The following PLEKHA6 variants were observed in gnomAD, a reference collection of about 807,000 sequenced individuals.
PLEKHA6 encodes pleckstrin homology domain-containing family A member 6.
Under a neutral mutation model 116.7 loss-of-function variants are expected in PLEKHA6, and 60 were observed. The ratio of observed to expected loss-of-function variants is 0.51; its 90% confidence interval spans 0.42 to 0.64. The LOEUF (loss-of-function observed/expected upper bound fraction) is 0.64, where lower values mean the gene tolerates loss of function less well. PLEKHA6 is among the 30% of genes least tolerant of loss of function. The pLI is 0.00. For missense variants in PLEKHA6, 1,338 were observed against 1,422.7 expected, an observed-to-expected ratio of 0.94 and a Z score of 0.96; for synonymous variants, 489 against 556.1, an observed-to-expected ratio of 0.88 and a Z score of 1.70.
chr1:204,330,932 C>T (rs902530187), intron 1 of PLEKHA6, among the ~76,000 whole-genome samples: 4 of 152,186 alleles, frequency 2.6e-5, no homozygotes, highest in Non-Finnish European at 4.4e-5. Flanking sequence ...CGTTGGCTCA[C>T]GCCTGTAATC....
intron 17 of PLEKHA6, among the ~76,000 whole-genome samples, chr1:204,236,981 G>A (rs928960150): frequency 1.3e-5 from 2 of 152,172 alleles, no homozygotes; most frequent in East Asian, 1.9e-4. Context: ...CCTTCTCCAA[G>A]GAGACCTCTG....
chr1:204,229,354 C>T (rs4074987), intron 18 of PLEKHA6, among the ~76,000 whole-genome samples: 3,200 of 152,350 alleles, frequency 0.021, 59 homozygotes, highest in Non-Finnish European at 0.028. Context: ...CTGCTCTACC[C>T]TGTATTCTCA....
chr1:204,241,310 TAC>T, intron 17 of PLEKHA6, 63 bp downstream of exon 17: 1 of 966,598 alleles, frequency 1.0e-6, no homozygotes, highest in Non-Finnish European at 1.6e-6. Context: ...GATGAGTAGG[TAC>T]ACACACAGGC....
intron 1 of PLEKHA6, among the ~76,000 whole-genome samples, chr1:204,318,777 A>G (rs187298978): frequency 1.3e-5 from 2 of 152,326 alleles, no homozygotes; most frequent in African/African-American, 4.8e-5. Flanking sequence ...TGACCAGATG[A>G]CATTACATCT....
intron 1 of PLEKHA6, among the ~76,000 whole-genome samples, chr1:204,350,765 G>T (rs908798803): frequency 1.2e-4 from 18 of 152,160 alleles, no homozygotes; most frequent in Non-Finnish European, 2.1e-4. Context: ...TCACTGCCAG[G>T]GTTAGCTCCT....
chr1:204,318,396 C>T (rs1367417541), intron 1 of PLEKHA6, among the ~76,000 whole-genome samples: 2 of 152,214 alleles, frequency 1.3e-5, no homozygotes, highest in African/African-American at 4.8e-5. Flanking sequence ...AGTTGCCACA[C>T]AGCTAAGAAG....
At chr1:204,340,742 T>C (rs1672816771) in intron 1 of PLEKHA6, among the ~76,000 whole-genome samples, 1 of 152,056 alleles carries the variant, frequency 6.6e-6, no homozygotes, top group African/African-American at 2.4e-5. Flanking sequence ...GAGAAAGAGA[T>C]GCAAGAGAAG....
chr1:204,311,104 C>A (rs2103156895), intron 1 of PLEKHA6, among the ~76,000 whole-genome samples: 1 of 152,306 alleles, frequency 6.6e-6, no homozygotes, highest in East Asian at 1.9e-4. Context: ...GCCTCAGCAA[C>A]CACTATGAAA....
Position 204,257,774 on chromosome 1 carries a change from C to T in PLEKHA6, c.1103G>A (p.Gly368Glu). The change falls in exon 9 of 23, where the codon GGA (glycine) becomes GAA (glutamate). Residue 368 changes from glycine to glutamate, a missense_variant. Physicochemically the swap from Gly to Glu is moderately conservative, Grantham distance 98. Coordinates refer to ENST00000272203, the MANE Select transcript of PLEKHA6 (RefSeq NM_014935.5). The surrounding 1 kb of genome is among the most constrained non-coding windows in gnomAD (Gnocchi z 6.5). The part of the protein sequence containing the change: ...YPDDYQYYPP[G>E]VRPESICSMP... The stretch of plus-strand genomic sequence containing the variant: ...GGAACAGATGCTCTCCGGCCGCACT[C>T]CTGGCGGGTAGTACTGATAATCATC... 1 of 1,614,032 alleles carries T rather than the reference C, an allele frequency of 6.2e-7. No individual in the cohort carries two copies. Among genetic ancestry groups the T allele is most frequent in the Non-Finnish European group, 8.5e-7 (1 of 1,179,994 alleles).
intron 1 of PLEKHA6, among the ~76,000 whole-genome samples, chr1:204,337,614 A>C (rs1672694883): frequency 6.6e-6 from 1 of 152,234 alleles, no homozygotes; most frequent in Non-Finnish European, 1.5e-5. Flanking sequence ...TTAATGTGGA[A>C]GGGTGGAATC....
At chr1:204,354,870 G>T (rs748532891) in intron 1 of PLEKHA6, among the ~76,000 whole-genome samples, 1 of 152,254 alleles carries the variant, frequency 6.6e-6, no homozygotes, top group East Asian at 1.9e-4. Context: ...GCACACGGCC[G>T]TGCAGGGGCG....
At chr1:204,266,955 A>C (rs556073284) in intron 5 of PLEKHA6, among the ~76,000 whole-genome samples, 26 of 152,308 alleles carry the variant, frequency 1.7e-4, no homozygotes, top group African/African-American at 6.0e-4. Context: ...GCCAGAGGAC[A>C]TGTTCACTCA....
intron 17 of PLEKHA6, among the ~76,000 whole-genome samples, chr1:204,231,968 C>T: frequency 6.6e-6 from 1 of 151,910 alleles, no homozygotes; most frequent in Non-Finnish European, 1.5e-5. Context: ...GATGCGGAAC[C>T]CGGAGATATG....
rs1572018454 is a variant in PLEKHA6, at chr1:204,274,742, A to T, written c.-27T>A. On this transcript the variant is annotated 5_prime_UTR_variant, in exon 2 of 23. Transcript: ENST00000272203. ...GGACACACTTACATTTTCAAGTCAA[A>T]TTTTTTGTTTTCCTCTGGGACCTGG... 3.0e-6 allele frequency: 3 copies of T among 985,858 alleles called. No homozygotes were observed. Among genetic ancestry groups the T allele is most frequent in the Non-Finnish European group, 3.6e-6 (3 of 829,970 alleles). The allele number at this position is 985,858 out of a possible 1,614,324, so 61.1% of individuals were successfully genotyped here.
At chr1:204,362,694 A>G (rs1312610581), upstream of PLEKHA6, among the ~76,000 whole-genome samples, 2 of 152,144 alleles carry the variant, frequency 1.3e-5, no homozygotes, top group Non-Finnish European at 2.9e-5. Flanking sequence ...CTGCAGGTAC[A>G]CACCACCACA....
At chr1:204,348,508 T>C (rs571822334) in intron 1 of PLEKHA6, among the ~76,000 whole-genome samples, 62 of 152,306 alleles carry the variant, frequency 4.1e-4, no homozygotes, top group African/African-American at 1.3e-3. Context: ...TCCTGAGAGA[T>C]GGACACACAG....
chr1:204,228,323 G>A lies in PLEKHA6; in HGVS notation c.2886-95C>T. 1 of 1,277,974 alleles carries A rather than the reference G, an allele frequency of 7.8e-7. No individual in the cohort carries two copies. The highest frequency in any genetic ancestry group is 1.1e-6 in the Non-Finnish European group (1 of 916,680). 79.2% of individuals were successfully genotyped at this position (1,277,974 alleles called of 1,614,324 possible). The stretch of plus-strand genomic sequence containing the variant: ...GGACTGAGGTTGGCAGGGAGGGCCA[G>A]GGCCCCGTGAATGTGCAGTCTCTGG... On this transcript the variant is annotated intron_variant, in intron 20 of 22. Transcript: ENST00000272203. This position sits in a 1 kb window ranked among gnomAD's most constrained non-coding sequence, Gnocchi z 4.0.
chr1:204,372,632 TA>T (rs1357153293), intron 1 of PLEKHA6, among the ~76,000 whole-genome samples: 1 of 152,154 alleles, frequency 6.6e-6, no homozygotes, highest in African/African-American at 2.4e-5. Flanking sequence ...ATAAACGCCC[TA>T]AAAAATTTAC....
chr1:204,338,554 G>C (rs75202223), intron 1 of PLEKHA6, among the ~76,000 whole-genome samples: 2,556 of 152,276 alleles, frequency 0.017, 64 homozygotes, highest in African/African-American at 0.055. Flanking sequence ...GTGGGGTGTT[G>C]AGATTAACAA....
Sources: gnomAD v4.1 joint callset for allele counts (sites outside exome capture counted in the v4.1 genomes callset) on GRCh38, gnomAD v4.1.1 for gene constraint, Gnocchi (gnomAD v3.1) non-coding constraint, MANE v1.5 for transcripts, NCBI Gene and HGNC (gene_info 2026-07-23, HGNC 2026-07-21) for gene names.